Variants in TRIM62 observed in about 807,000 individuals in gnomAD.
The protein encoded by TRIM62 is E3 ubiquitin-protein ligase TRIM62.
Under a neutral mutation model 44.2 loss-of-function variants are expected in TRIM62, and 39 were observed. The observed-to-expected ratio is 0.88, with a 90% CI of 0.68 to 1.15. The LOEUF (loss-of-function observed/expected upper bound fraction) is 1.15. Ranked by LOEUF, TRIM62 falls within the 50% of genes most tolerant of loss-of-function variation. The pLI is 0.00. For missense variants in TRIM62, 544 were observed against 665.5 expected (o/e 0.82, Z 2.01); for synonymous variants, 278 against 292.3 (o/e 0.95, Z 0.50).
chr1:33,147,383 T>G lies in TRIM62; in HGVS notation c.1222A>C (p.Asn408His). 6.2e-7 allele frequency: 1 copy of G among 1,614,174 alleles called. No homozygotes were observed. Among genetic ancestry groups the G allele is most frequent in the Non-Finnish European group, 8.5e-7 (1 of 1,180,044 alleles). Residue 408 changes from asparagine to histidine, a missense_variant, in exon 5 of 5, where the codon AAC becomes CAC. Transcript: ENST00000291416. This position sits in a 1 kb window ranked among gnomAD's most constrained non-coding sequence, Gnocchi z 8.1. ...SACTEPWTRL[N>H]VRDKLDKVGV... ...ACCTTGTCAAGCTTGTCCCGGACGTTAAGCCGCGTCCAGGGCTCCGTGCAG... is the reference window on the plus strand; with the variant it reads ...ACCTTGTCAAGCTTGTCCCGGACGTGAAGCCGCGTCCAGGGCTCCGTGCAG...
At position 33,159,984 on chromosome 1, in the gene TRIM62, A is replaced by T. The variant is rs777183039; in HGVS notation, c.505-40T>A. 17 of 1,584,308 alleles carry T rather than the reference A, an allele frequency of 1.1e-5. No homozygotes were observed. Among genetic ancestry groups the T allele is most frequent in the Non-Finnish European group, 1.4e-5 (16 of 1,167,526 alleles). On this transcript the variant is annotated intron_variant, in intron 2 of 4. Transcript: ENST00000291416. The surrounding 1 kb of genome is among the most constrained non-coding windows in gnomAD (Gnocchi z 4.2). ...CGTCAGGGGTTATGGCTGGGGGAGC[A>T]GATGGGGTGATCTCTGGGTGAGAGG... is the stretch of plus-strand genomic sequence containing the variant.
In TRIM62 at chr1:33,167,418, C is replaced by T. The variant is rs1645338228; in HGVS notation, c.409-1852G>A. Among the ~76,000 whole-genome samples, 2 of 152,166 alleles carry T rather than the reference C, an allele frequency of 1.3e-5. No homozygotes were observed. The highest frequency in any genetic ancestry group is 4.8e-5 in the African/African-American group (2 of 41,422). ...TAAATGGGTTGTGGAGGTGAGTGCT[C>T]CCTAGCACAGGGTCCAGCTGTCTGC... On this transcript the variant is annotated intron_variant, in intron 1 of 4. Transcript: ENST00000291416. The surrounding 1 kb of genome is among the most constrained non-coding windows in gnomAD (Gnocchi z 4.2).
At chr1:33,175,181 G>A (rs1045645150) in intron 1 of TRIM62, among the ~76,000 whole-genome samples, 1 of 151,370 alleles carries the variant, frequency 6.6e-6, no homozygotes, top group African/African-American at 2.4e-5. Context: ...TGGGATTATA[G>A]GTGTGTGCCA....
chr1:33,178,703 C>T (rs1645439496), intron 1 of TRIM62, among the ~76,000 whole-genome samples: 1 of 152,242 alleles, frequency 6.6e-6, no homozygotes, highest in African/African-American at 2.4e-5. Context: ...CACCAAGGTG[C>T]ACACAGTGCC....
At chr1:33,176,260 T>C (rs531358363) in intron 1 of TRIM62, 8 of 499,104 alleles carry the variant, frequency 1.6e-5, no homozygotes, top group South Asian at 1.5e-4. Context: ...GCAGGAGGGC[T>C]AGTTCTTACT....
At chr1:33,176,618 G>A (rs755161798) in intron 1 of TRIM62, 74 of 509,608 alleles carry the variant, frequency 1.5e-4, no homozygotes, top group African/African-American at 6.6e-4. Context: ...CCCTCGGGGC[G>A]TCAGCTGGCA....
rs1203739468 is a variant in TRIM62, at chr1:33,177,044, C to CAT, written c.408+3980_408+3981insAT. Among the ~76,000 whole-genome samples, 3 of 57,976 alleles carry CAT rather than the reference C, an allele frequency of 5.2e-5. No individual in the cohort carries two copies. Among genetic ancestry groups the CAT allele is most frequent in the African/African-American group, 1.8e-4 (2 of 10,894 alleles). 38.0% of individuals were successfully genotyped at this position (57,976 alleles called of 152,430 possible). On this transcript the variant is annotated intron_variant, in intron 1 of 4. Coordinates refer to ENST00000291416, the MANE Select transcript of TRIM62 (RefSeq NM_018207.3). This position sits in a 1 kb window ranked among gnomAD's most constrained non-coding sequence, Gnocchi z 4.1. ...ACACCAACACACATACACATGCACA[C>CAT]ACACACGCACACACACACACATGCA...
intron 4 of TRIM62, among the ~76,000 whole-genome samples, chr1:33,155,082 G>A (rs1236292293): frequency 5.0e-5 from 7 of 139,152 alleles, no homozygotes; most frequent in Admixed American, 2.8e-4. Context: ...GACAGAGCGA[G>A]ACTCCATCTC....
In TRIM62 at chr1:33,177,041, A is replaced by ACC. The variant is rs1645425069; in HGVS notation, c.408+3983_408+3984insGG. Among the ~76,000 whole-genome samples the ACC allele has an allele frequency of 4.1e-4, 24 of 58,394 alleles. No homozygotes were observed. In the South Asian group the frequency reaches 0.011, roughly 26 times the overall value. The allele number at this position is 58,394 out of a possible 152,430, so 38.3% of individuals were successfully genotyped here. A position where few individuals can be genotyped will look rare whatever the true frequency, so the allele number is the denominator to read the frequency against. Reference sequence around the variant, plus strand: ...AAGACACCAACACACATACACATGCACACACACACGCACACACACACACAT... The same window carrying ACC: ...AAGACACCAACACACATACACATGCACCCACACACACGCACACACACACACAT... On this transcript the variant is annotated intron_variant, in intron 1 of 4. Coordinates refer to ENST00000291416, the MANE Select transcript of TRIM62 (RefSeq NM_018207.3). This position sits in a 1 kb window ranked among gnomAD's most constrained non-coding sequence, Gnocchi z 4.1.
rs774049265 is a variant in TRIM62, at chr1:33,147,355, C to T, written c.1250G>A (p.Gly417Asp). The T allele has an allele frequency of 1.2e-6, 2 of 1,614,082 alleles. No individual in the cohort carries two copies. Among genetic ancestry groups the T allele is most frequent in the Non-Finnish European group, 1.7e-6 (2 of 1,180,034 alleles). Residue 417 changes from glycine (G) to aspartate (D), a missense_variant, in exon 5 of 5, where the codon GGT (glycine) becomes GAT (aspartate). By Grantham distance (94) the Gly-to-Asp change is moderately conservative (BLOSUM62 -1). Coordinates refer to ENST00000291416, the MANE Select transcript of TRIM62 (RefSeq NM_018207.3). The surrounding 1 kb of genome is among the most constrained non-coding windows in gnomAD (Gnocchi z 8.1). ...GCCTTGGTCATAGTCCAGGAAGACA[C>T]CCACCTTGTCAAGCTTGTCCCGGAC... Reference protein sequence around the residue: ...LNVRDKLDKVGVFLDYDQGLL... With the variant: ...LNVRDKLDKVDVFLDYDQGLL...
intron 1 of TRIM62, among the ~76,000 whole-genome samples, chr1:33,172,671 C>CT (rs1190564133): frequency 1.3e-5 from 2 of 152,128 alleles, no homozygotes; most frequent in African/African-American, 4.8e-5. Context: ...CTCTGGGGCT[C>CT]TTTATTGGTA....
At position 33,167,238 on chromosome 1, in the gene TRIM62, G is replaced by C. The variant is rs537269410; in HGVS notation, c.409-1672C>G. Among the ~76,000 whole-genome samples the C allele has an allele frequency of 6.6e-6, 1 of 152,132 alleles. No individual in the cohort carries two copies. The highest frequency in any genetic ancestry group is 1.5e-5 in the Non-Finnish European group (1 of 68,024). On this transcript the variant is annotated intron_variant, in intron 1 of 4. Coordinates refer to ENST00000291416, the MANE Select transcript of TRIM62 (RefSeq NM_018207.3). The surrounding 1 kb of genome is among the most constrained non-coding windows in gnomAD (Gnocchi z 4.2). ...TACCCTGTCACACATCTGGATTCAC[G>C]GTCTTCCTTGCGCCTTCTGCTGTCT...
chr1:33,148,691 C>T (rs928968006), intron 4 of TRIM62, among the ~76,000 whole-genome samples: 2 of 152,140 alleles, frequency 1.3e-5, no homozygotes, highest in African/African-American at 4.8e-5. Context: ...TATACACACA[C>T]AACACTTGAA....
intron 2 of TRIM62, chr1:33,164,208 T>C (rs986043752): frequency 3.9e-5 from 6 of 152,264 alleles, no homozygotes; most frequent in Non-Finnish European, 5.9e-5. Flanking sequence ...CTGTGAAGAA[T>C]TGTTTGTCAT....
At chr1:33,153,249 A>G (rs892786005) in intron 4 of TRIM62, among the ~76,000 whole-genome samples, 2 of 152,182 alleles carry the variant, frequency 1.3e-5, no homozygotes, top group Non-Finnish European at 2.9e-5. Context: ...CTGACTTCAC[A>G]GGCCCCACAG....
In TRIM62 at chr1:33,145,503, GA is replaced by G; in HGVS notation, c.*1673del. 1 of 159,588 alleles carries G rather than the reference GA, an allele frequency of 6.3e-6. No homozygotes were observed. Among genetic ancestry groups the G allele is most frequent in the East Asian group, 1.9e-4 (1 of 5,372 alleles). 9.9% of individuals were successfully genotyped at this position (159,588 alleles called of 1,614,324 possible). A position where few individuals can be genotyped will look rare whatever the true frequency, so the allele number is the denominator to read the frequency against. Reference sequence around the variant, plus strand: ...TGGGGTGGCCCAGATTCTGGTAGTTGAAGGGTTGGGGTAGGGCTGACAATTC... The same window carrying G: ...TGGGGTGGCCCAGATTCTGGTAGTTGAGGGTTGGGGTAGGGCTGACAATTC... On this transcript the variant is annotated 3_prime_UTR_variant, in exon 5 of 5. Coordinates refer to ENST00000291416, the MANE Select transcript of TRIM62 (RefSeq NM_018207.3).
chr1:33,181,022 C>A lies in TRIM62; in HGVS notation c.408+3G>T. The stretch of plus-strand genomic sequence containing the variant: ...CCTTCCCCAGGCAGGCCGGGTAGCG[C>A]ACCTGCAGCTCGTCGAAGGCGTCGT... On this transcript the variant is annotated splice_donor_region_variant and intron_variant, in intron 1 of 4. Coordinates refer to ENST00000291416, the MANE Select transcript of TRIM62 (RefSeq NM_018207.3). The surrounding 1 kb of genome is among the most constrained non-coding windows in gnomAD (Gnocchi z 6.5). 6.9e-7 allele frequency: 1 copy of A among 1,457,210 alleles called. No individual in the cohort carries two copies. The highest frequency in any genetic ancestry group is 1.1e-5 in the South Asian group (1 of 88,014). The allele number at this position is 1,457,210 out of a possible 1,614,324, so 90.3% of individuals were successfully genotyped here.
Position 33,161,986 on chromosome 1 carries a change from T to C in TRIM62, c.505-2042A>G, listed in dbSNP as rs1570318199. Among the ~76,000 whole-genome samples the C allele has an allele frequency of 6.6e-6, 1 of 152,186 alleles. No homozygotes were observed. The highest frequency in any genetic ancestry group is 2.1e-4 in the South Asian group (1 of 4,824). ...AGGATGGTTCCCAAGTCCATATAGATGGCCTTGCCTGTCTCCTGAGTGCCA... is the reference window on the plus strand; with the variant it reads ...AGGATGGTTCCCAAGTCCATATAGACGGCCTTGCCTGTCTCCTGAGTGCCA... On this transcript the variant is annotated intron_variant, in intron 2 of 4. Transcript: ENST00000291416. The surrounding 1 kb of genome is among the most constrained non-coding windows in gnomAD (Gnocchi z 4.3).
chr1:33,154,037 G>A (rs1383908578), intron 4 of TRIM62, among the ~76,000 whole-genome samples: 1 of 152,218 alleles, frequency 6.6e-6, no homozygotes, highest in African/African-American at 2.4e-5. Context: ...AGATGCCAAG[G>A]AGAGTAAGAG....
Sources: allele counts gnomAD v4.1 joint callset (sites outside exome capture counted in the v4.1 genomes callset), GRCh38; gene constraint gnomAD v4.1.1; non-coding constraint Gnocchi (gnomAD v3.1); transcripts MANE v1.5; gene names NCBI Gene and HGNC (gene_info 2026-07-23, HGNC 2026-07-21).